Variants in CCSER1 observed in about 807,000 individuals in gnomAD.
CCSER1 encodes serine-rich coiled-coil domain-containing protein 1.
In CCSER1, 41 loss-of-function variants were observed where a neutral mutation model predicts 82.0. That is an observed-to-expected ratio of 0.50 (90% CI 0.39 to 0.65). CCSER1 has a LOEUF of 0.65. CCSER1 is among the 30% of genes least tolerant of loss of function. The pLI is 0.00. For missense variants in CCSER1, 1,119 were observed against 1,064.2 expected (o/e 1.05, Z -0.72); for synonymous variants, 414 against 383.9 (o/e 1.08, Z -0.92).
chr4:90,345,990 T>A (rs1173573419), intron 3 of CCSER1, among the ~76,000 whole-genome samples: 2 of 151,958 alleles, frequency 1.3e-5, no homozygotes, highest in Non-Finnish European at 2.9e-5. Flanking sequence ...CTCCCCCATT[T>A]ATTTCTGTGG....
At chr4:90,530,752 T>C (rs1232259126) in intron 5 of CCSER1, among the ~76,000 whole-genome samples, 2 of 152,170 alleles carry the variant, frequency 1.3e-5, no homozygotes, top group Admixed American at 6.5e-5. Context: ...CCACCAGATC[T>C]TAGCCAGCTT....
intron 6 of CCSER1, among the ~76,000 whole-genome samples, chr4:90,701,435 TC>T (rs1738101958): frequency 6.6e-6 from 1 of 152,198 alleles, no homozygotes; most frequent in African/African-American, 2.4e-5. Context: ...CCAGCTTTGT[TC>T]TTTTGGCTTA....
chr4:90,666,123 C>A (rs991919146), intron 6 of CCSER1, among the ~76,000 whole-genome samples: 8 of 152,030 alleles, frequency 5.3e-5, no homozygotes, highest in African/African-American at 1.7e-4. Flanking sequence ...TGACATCCCC[C>A]CTCTGCCACA....
At chr4:91,119,364 T>C (rs937539423) in intron 10 of CCSER1, among the ~76,000 whole-genome samples, 1 of 152,014 alleles carries the variant, frequency 6.6e-6, no homozygotes, top group Non-Finnish European at 1.5e-5. Context: ...ATTATATATA[T>C]ATAAAATATA....
intron 7 of CCSER1, among the ~76,000 whole-genome samples, chr4:90,811,220 C>A (rs1175090710): frequency 1.3e-5 from 2 of 152,050 alleles, no homozygotes; most frequent in African/African-American, 4.8e-5. Flanking sequence ...CAATAAAATC[C>A]AGAAATTTGC....
At chr4:90,263,073 G>A (rs1724621570) in intron 1 of CCSER1, among the ~76,000 whole-genome samples, 1 of 152,150 alleles carries the variant, frequency 6.6e-6, no homozygotes, top group African/African-American at 2.4e-5. Flanking sequence ...TTGGGGTAGA[G>A]GTGCAGACTT....
intron 8 of CCSER1, among the ~76,000 whole-genome samples, chr4:90,839,203 A>G (rs1762246686): frequency 6.6e-6 from 1 of 152,344 alleles, no homozygotes; most frequent in East Asian, 1.9e-4. Context: ...TAAGAAGCCT[A>G]TTATCTAGAT....
At chr4:91,096,404 G>A (rs1312917676) in intron 10 of CCSER1, among the ~76,000 whole-genome samples, 2 of 152,180 alleles carry the variant, frequency 1.3e-5, no homozygotes, top group African/African-American at 2.4e-5. Context: ...CCCTCGGCAG[G>A]TGGAGTGAGA....
chr4:91,279,758 G>A (rs1742766268), intron 10 of CCSER1, among the ~76,000 whole-genome samples: 1 of 151,912 alleles, frequency 6.6e-6, no homozygotes, highest in African/African-American at 2.4e-5. Flanking sequence ...TTTCTTCATT[G>A]GAATTGTTGC....
chr4:91,500,682 C>T (rs1759161889), intron 10 of CCSER1, among the ~76,000 whole-genome samples: 1 of 151,912 alleles, frequency 6.6e-6, no homozygotes, highest in South Asian at 2.1e-4. Flanking sequence ...TTTGAGCAAC[C>T]TTGGGAAACT....
chr4:91,079,171 C>T (rs902244624), intron 9 of CCSER1, among the ~76,000 whole-genome samples: 1 of 151,836 alleles, frequency 6.6e-6, no homozygotes, highest in African/African-American at 2.4e-5. Flanking sequence ...TTAAGGGCAG[C>T]CAGACAGGTC....
chr4:90,487,505 C>T (rs76015530), intron 5 of CCSER1, among the ~76,000 whole-genome samples: 2,454 of 152,276 alleles, frequency 0.016, 40 homozygotes, highest in African/African-American at 0.047. Flanking sequence ...TATAGGTTTT[C>T]AAATTTGATG....
chr4:90,322,097 A>G (rs781325695), intron 3 of CCSER1, among the ~76,000 whole-genome samples: 9 of 152,070 alleles, frequency 5.9e-5, no homozygotes, highest in Non-Finnish European at 8.8e-5. Context: ...GTTTTCTTCC[A>G]TAGTTCCATA....
intron 10 of CCSER1, among the ~76,000 whole-genome samples, chr4:91,371,998 A>C (rs1750083299): frequency 6.6e-6 from 1 of 152,218 alleles, no homozygotes; most frequent in African/African-American, 2.4e-5. Context: ...TCAAAGATGT[A>C]CTGACTTATT....
At chr4:91,358,966 C>T (rs372420824) in intron 10 of CCSER1, among the ~76,000 whole-genome samples, 370 of 152,100 alleles carry the variant, frequency 2.4e-3, no homozygotes, top group East Asian at 4.1e-3. Flanking sequence ...TGTAGCAGGA[C>T]GAGCCGCAGA....
At chr4:90,631,173 A>T (rs1724344113) in intron 6 of CCSER1, among the ~76,000 whole-genome samples, 1 of 152,200 alleles carries the variant, frequency 6.6e-6, no homozygotes, top group Middle Eastern at 3.4e-3. Flanking sequence ...GACTACAGGC[A>T]TGAGCCGCCG....
chr4:90,217,179 G>A (rs181859807), intron 1 of CCSER1, among the ~76,000 whole-genome samples: 63 of 152,154 alleles, frequency 4.1e-4, no homozygotes, highest in African/African-American at 1.3e-3. Context: ...GAGCCTTTTG[G>A]TGGAGTCTTT....
chr4:91,069,899 A>G (rs529727969), intron 9 of CCSER1, among the ~76,000 whole-genome samples: 10 of 152,308 alleles, frequency 6.6e-5, no homozygotes, highest in South Asian at 4.1e-4. Flanking sequence ...AATTTATTGT[A>G]TATAATCATA....
chr4:91,468,168 A>G (rs924856169), intron 10 of CCSER1, among the ~76,000 whole-genome samples: 3 of 152,218 alleles, frequency 2.0e-5, no homozygotes, highest in Non-Finnish European at 2.9e-5. Context: ...AATACTATGC[A>G]GCCATAAAAA....
Sources: gnomAD v4.1 joint callset for allele counts (sites outside exome capture counted in the v4.1 genomes callset) on GRCh38, gnomAD v4.1.1 for gene constraint, MANE v1.5 for transcripts, NCBI Gene and HGNC (gene_info 2026-07-23, HGNC 2026-07-21) for gene names.